Variants in HECTD4 observed in about 807,000 individuals in gnomAD.
The protein encoded by HECTD4 is HECT domain E3 ubiquitin protein ligase 4.
A neutral mutation model predicts 471.5 loss-of-function variants in HECTD4; 114 were observed. The ratio of observed to expected loss-of-function variants is 0.24; its 90% CI spans 0.21 to 0.28. HECTD4 has a LOEUF of 0.28. HECTD4 is among the 10% of genes least tolerant of loss of function. The pLI is 1.00. For missense variants in HECTD4, 3,866 were observed against 5,651.5 expected (o/e 0.68, Z 10.13); for synonymous variants, 2,012 against 2,256.0 (o/e 0.89, Z 3.07).
At chr12:112,248,760 A>T (rs2033813999) in intron 25 of HECTD4, among the ~76,000 whole-genome samples, 2 of 151,862 alleles carry the variant, frequency 1.3e-5, no homozygotes, top group South Asian at 4.2e-4. Context: ...TAAGAAAAAA[A>T]ATTTTAGGGT....
intron 7 of HECTD4, among the ~76,000 whole-genome samples, chr12:112,285,126 C>G (rs2034723267): frequency 1.3e-5 from 2 of 152,170 alleles, no homozygotes; most frequent in African/African-American, 2.4e-5. Flanking sequence ...GCGTGAGCCA[C>G]CATGCCCAGC....
chr12:112,265,772 G>T (rs546281428), intron 15 of HECTD4, 106 bp downstream of exon 15: 1 of 767,902 alleles, frequency 1.3e-6, no homozygotes, highest in Non-Finnish European at 2.2e-6. Context: ...ACATGCTAAC[G>T]ATCGTATTAG....
At chr12:112,227,680 C>T (rs968830255) in intron 43 of HECTD4, among the ~76,000 whole-genome samples, 5 of 151,608 alleles carry the variant, frequency 3.3e-5, no homozygotes, top group African/African-American at 9.7e-5. Flanking sequence ...CTCTTGTTGC[C>T]CAGGCTGGAG....
chr12:112,333,479 C>T (rs573134478), intron 1 of HECTD4, among the ~76,000 whole-genome samples: 94 of 152,256 alleles, frequency 6.2e-4, no homozygotes, highest in Admixed American at 1.6e-3. Context: ...TTTTAATGGG[C>T]TTATTGGCCA....
At chr12:112,285,680 C>T (rs1594010643) in intron 7 of HECTD4, among the ~76,000 whole-genome samples, 1 of 152,082 alleles carries the variant, frequency 6.6e-6, no homozygotes, top group East Asian at 1.9e-4. Flanking sequence ...CAGGGCCCTC[C>T]CCCAAATCCA....
intron 17 of HECTD4, among the ~76,000 whole-genome samples, chr12:112,262,686 G>T (rs1421498162): frequency 1.3e-5 from 2 of 151,798 alleles, no homozygotes; most frequent in African/African-American, 4.8e-5. Flanking sequence ...CATGATCAGG[G>T]CTCCCTGCAA....
At chr12:112,366,937 T>G (rs1464436532) in intron 1 of HECTD4, among the ~76,000 whole-genome samples, 1 of 151,554 alleles carries the variant, frequency 6.6e-6, no homozygotes, top group Non-Finnish European at 1.5e-5. Context: ...TTACTATTTT[T>G]TTTTTGTATC....
chr12:112,319,214 A>G lies in HECTD4; in HGVS notation c.695+11T>C, dbSNP rs905660634. 6.5e-7 allele frequency: 1 copy of G among 1,535,716 alleles called. No homozygotes were observed. Among genetic ancestry groups the G allele is most frequent in the Non-Finnish European group, 8.7e-7 (1 of 1,146,664 alleles). ...ACAAGGTCACCAAATGATACATTCG[A>G]TTTTCCTTACCTGGCACAAGCCAAA... is the stretch of plus-strand genomic sequence containing the variant. On this transcript the variant is annotated intron_variant, in intron 2 of 75. Transcript: ENST00000682272. The surrounding 1 kb of genome is among the most constrained non-coding windows in gnomAD (Gnocchi z 5.3).
intron 1 of HECTD4, among the ~76,000 whole-genome samples, chr12:112,376,722 T>C (rs1267205535): frequency 6.6e-6 from 1 of 152,200 alleles, no homozygotes; most frequent in African/African-American, 2.4e-5. Flanking sequence ...CTGTCGTCTC[T>C]GTATGGGATG....
In HECTD4 at chr12:112,250,263, G is replaced by A; in HGVS notation, c.3831C>T (p.Val1277=). 6.2e-7 allele frequency: 1 copy of A among 1,613,944 alleles called. No individual in the cohort carries two copies. Among genetic ancestry groups the A allele is most frequent in the Non-Finnish European group, 8.5e-7 (1 of 1,179,834 alleles). ...AGTAGTTTCCAACAGGAGGCACGAG[G>A]ACATCAGAGGGGTAGGTGAATTCTC... is the stretch of plus-strand genomic sequence containing the variant. ...EDREFTYPSD[V]LVPPVGNYFD... The change falls in exon 25 of 76, where the codon GTC becomes GTT. Residue 1277 remains valine, a synonymous_variant. Transcript: ENST00000682272.
intron 60 of HECTD4, 104 bp from the exon 61 acceptor site, chr12:112,185,597 C>CT: frequency 1.2e-6 from 1 of 838,038 alleles, no homozygotes; most frequent in Non-Finnish European, 1.8e-6. Context: ...CCTGTGAACA[C>CT]TGACTGCGCA....
Position 112,275,012 on chromosome 12 carries a change from G to A in HECTD4, c.1688-52C>T, listed in dbSNP as rs755426659. The A allele has an allele frequency of 6.2e-5, 70 of 1,137,454 alleles. 1 individual carries two copies. In the Middle Eastern group the frequency reaches 9.7e-4, roughly 16 times the overall value. The allele number at this position is 1,137,454 out of a possible 1,614,324, so 70.5% of individuals were successfully genotyped here. On this transcript the variant is annotated intron_variant, in intron 9 of 75. Coordinates refer to ENST00000682272, the MANE Select transcript of HECTD4 (RefSeq NM_001388303.1). ...AATGAGCCTGAAGATTATTTTTAAA[G>A]TTTAAATTTTAGGCTTTTAACAAGA...
At position 112,184,089 on chromosome 12, in the gene HECTD4, C is replaced by T. The variant is rs986761595; in HGVS notation, c.10779+98G>A. 2.6e-5 allele frequency: 32 copies of T among 1,237,166 alleles called. No individual in the cohort carries two copies. Among genetic ancestry groups the T allele is most frequent in the Non-Finnish European group, 3.4e-5 (30 of 879,774 alleles). The allele number at this position is 1,237,166 out of a possible 1,614,324, so 76.6% of individuals were successfully genotyped here. A position where few individuals can be genotyped will look rare whatever the true frequency, so the allele number is the denominator to read the frequency against. On this transcript the variant is annotated intron_variant, in intron 61 of 75. Transcript: ENST00000682272. This position sits in a 1 kb window ranked among gnomAD's most constrained non-coding sequence, Gnocchi z 9.1. ...CCCCAGGGAGCCCCCAACCGCTCCA[C>T]CATTACCTACTAGGAAATAACTTTG...
chr12:112,169,887 C>A (rs2031143711), intron 69 of HECTD4: 1 of 604,242 alleles, frequency 1.7e-6, no homozygotes, highest in Non-Finnish European at 2.9e-6. Context: ...GTGCTTGGCC[C>A]CTTCTCATCT....
At chr12:112,206,388 G>C (rs1045057808) in intron 52 of HECTD4, among the ~76,000 whole-genome samples, 1 of 152,054 alleles carries the variant, frequency 6.6e-6, no homozygotes, top group African/African-American at 2.4e-5. Context: ...CCAGGTACTC[G>C]GGAAGCTGAA....
chr12:112,343,763 A>C (rs2036093923), intron 1 of HECTD4, among the ~76,000 whole-genome samples: 1 of 151,712 alleles, frequency 6.6e-6, no homozygotes, highest in Admixed American at 6.6e-5. Flanking sequence ...AGACAGAGAG[A>C]CCCCATCTCT....
Position 112,162,580 on chromosome 12 carries a change from G to A in HECTD4, c.13121-57C>T. On this transcript the variant is annotated intron_variant, in intron 75 of 75. Transcript: ENST00000682272. The surrounding 1 kb of genome is among the most constrained non-coding windows in gnomAD (Gnocchi z 5.2). ...GGGCCCACATCTGTGAGGCTCCCAG[G>A]GAAGCTGGGCTGGCCTCTGCTTCCA... 2.5e-6 allele frequency: 4 copies of A among 1,608,760 alleles called. No individual in the cohort carries two copies. Among genetic ancestry groups the A allele is most frequent in the Non-Finnish European group, 3.4e-6 (4 of 1,176,734 alleles).
chr12:112,295,801 T>TAA (rs764102820), intron 7 of HECTD4, among the ~76,000 whole-genome samples: 74 of 144,098 alleles, frequency 5.1e-4, no homozygotes, highest in East Asian at 5.0e-3. Context: ...ACCATTAAAT[T>TAA]AAAAAAAAAA....
At chr12:112,329,937 C>T (rs2035814192) in intron 1 of HECTD4, among the ~76,000 whole-genome samples, 3 of 151,928 alleles carry the variant, frequency 2.0e-5, no homozygotes, top group Admixed American at 2.0e-4. Flanking sequence ...CATAGTGAGA[C>T]CCCATCTCTA....
Sources: allele counts gnomAD v4.1 joint callset (sites outside exome capture counted in the v4.1 genomes callset), GRCh38; gene constraint gnomAD v4.1.1; non-coding constraint Gnocchi (gnomAD v3.1); transcripts MANE v1.5; gene names NCBI Gene and HGNC (gene_info 2026-07-23, HGNC 2026-07-21).